TNR: variants seen among roughly 807,000 people sequenced by gnomAD.
The protein encoded by TNR is tenascin-R.
Under a neutral mutation model 150.4 loss-of-function variants are expected in TNR, and 45 were observed. The ratio of observed to expected loss-of-function variants is 0.30; its 90% CI spans 0.24 to 0.38. The LOEUF (loss-of-function observed/expected upper bound fraction) is 0.38. TNR is among the 10% of genes least tolerant of loss of function. The pLI is 1.00. For missense variants in TNR, 1,544 were observed against 1,759.1 expected (o/e 0.88, Z 2.19); for synonymous variants, 687 against 678.4 (o/e 1.01, Z -0.20).
chr1:175,354,671 C>A, intron 17 of TNR, 148 bp from the exon 18 acceptor site: 1 of 1,080,858 alleles, frequency 9.3e-7, no homozygotes, highest in Non-Finnish European at 1.3e-6. Flanking sequence ...ATAAGGATTA[C>A]TGCACCAATA....
At chr1:175,467,859 T>C (rs562306420) in intron 2 of TNR, among the ~76,000 whole-genome samples, 1 of 152,322 alleles carries the variant, frequency 6.6e-6, no homozygotes, top group African/African-American at 2.4e-5. Flanking sequence ...CTCGTTAATA[T>C]ATAAAGGACT....
intron 1 of TNR, among the ~76,000 whole-genome samples, chr1:175,731,305 C>T (rs1667634240): frequency 6.6e-6 from 1 of 152,166 alleles, no homozygotes; most frequent in African/African-American, 2.4e-5. Context: ...CACTGTTGCC[C>T]TGTGCTATCT....
intron 13 of TNR, among the ~76,000 whole-genome samples, chr1:175,363,031 C>T (rs987155836): frequency 1.3e-5 from 2 of 152,170 alleles, no homozygotes; most frequent in Non-Finnish European, 2.9e-5. Context: ...AGAAAAATGA[C>T]CTACCTATTA....
chr1:175,586,119 C>T (rs995329407), intron 1 of TNR, among the ~76,000 whole-genome samples: 1 of 152,090 alleles, frequency 6.6e-6, no homozygotes, highest in Non-Finnish European at 1.5e-5. Context: ...AGAATAATGA[C>T]TCAATCTTTG....
At chr1:175,354,258 CAG>C (rs1259916172) in intron 18 of TNR, 131 bp downstream of exon 18, 2 of 1,231,662 alleles carry the variant, frequency 1.6e-6, no homozygotes, top group East Asian at 5.1e-5. Context: ...GGGGCTTGGA[CAG>C]GGGAAAAGAA....
intron 1 of TNR, among the ~76,000 whole-genome samples, chr1:175,719,051 G>A (rs185256871): frequency 2.0e-5 from 3 of 152,254 alleles, no homozygotes; most frequent in Non-Finnish European, 2.9e-5. Context: ...GCCTATCTGT[G>A]GCCTTCATTT....
chr1:175,606,087 C>T (rs1423718704), intron 1 of TNR, among the ~76,000 whole-genome samples: 1 of 152,210 alleles, frequency 6.6e-6, no homozygotes, highest in Admixed American at 6.5e-5. Context: ...TTGATGTAGG[C>T]TGAGATTTAT....
intron 1 of TNR, among the ~76,000 whole-genome samples, chr1:175,655,237 A>C (rs1432925273): frequency 6.6e-6 from 1 of 152,216 alleles, no homozygotes; most frequent in Non-Finnish European, 1.5e-5. Context: ...GTAAATAAAA[A>C]ATACAATTCA....
rs1027311880 is a variant in TNR, at chr1:175,322,703, G to A, written c.*654C>T. On this transcript the variant is annotated 3_prime_UTR_variant, in exon 23 of 23. Transcript: ENST00000367674. Reference sequence around the variant, plus strand: ...AGGCTGAGACGAGAGGATCACTTAAGCTCAGGAAGTCGAGGCTGTAGTGAG... The same window carrying A: ...AGGCTGAGACGAGAGGATCACTTAAACTCAGGAAGTCGAGGCTGTAGTGAG... 6.6e-6 allele frequency: 1 copy of A among 152,198 alleles called. No individual in the cohort carries two copies. Among genetic ancestry groups the A allele is most frequent in the African/African-American group, 2.4e-5 (1 of 41,398 alleles). 9.4% of individuals were successfully genotyped at this position (152,198 alleles called of 1,614,324 possible).
Position 175,317,304 on chromosome 1 carries a change from T to A in TNR, c.*6053A>T, listed in dbSNP as rs560769681. The A allele has an allele frequency of 8.5e-5, 13 of 152,306 alleles. No homozygotes were observed. Among genetic ancestry groups the A allele is most frequent in the African/African-American group, 3.1e-4 (13 of 41,570 alleles). The allele number at this position is 152,306 out of a possible 1,614,324, so 9.4% of individuals were successfully genotyped here. ...AATTGCCTGTGTGAATGTGAGCAAA[T>A]TGCCTAAACTTTCTTGCCCTTGGTT... On this transcript the variant is annotated 3_prime_UTR_variant, in exon 23 of 23. Coordinates refer to ENST00000367674, the MANE Select transcript of TNR (RefSeq NM_003285.3).
intron 20 of TNR, among the ~76,000 whole-genome samples, chr1:175,331,079 T>TG (rs1649833674): frequency 1.3e-5 from 1 of 77,372 alleles, no homozygotes; most frequent in Non-Finnish European, 2.8e-5. Flanking sequence ...CTTTCTTTCC[T>TG]TCTTTCTTTC....
At chr1:175,479,095 A>G (rs536365375) in intron 2 of TNR, among the ~76,000 whole-genome samples, 49 of 152,320 alleles carry the variant, frequency 3.2e-4, no homozygotes, top group Admixed American at 2.0e-3. Flanking sequence ...AAGAGTTCAA[A>G]AAATTCCTCA....
intron 2 of TNR, among the ~76,000 whole-genome samples, chr1:175,501,203 G>A (rs894906138): frequency 2.6e-5 from 4 of 152,126 alleles, no homozygotes; most frequent in Non-Finnish European, 4.4e-5. Flanking sequence ...TTAAAAGAAG[G>A]TGAAGTATCA....
At chr1:175,547,627 AAGAAAGAAAG>A (rs1183380642) in intron 1 of TNR, among the ~76,000 whole-genome samples, 1 of 137,602 alleles carries the variant, frequency 7.3e-6, no homozygotes, top group African/African-American at 3.0e-5. Flanking sequence ...GAAACAAAGA[AAGAAAGAAAG>A]AGAAAGAAAG....
At chr1:175,338,138 G>A (rs1650337916) in intron 18 of TNR, among the ~76,000 whole-genome samples, 1 of 152,182 alleles carries the variant, frequency 6.6e-6, no homozygotes, top group African/African-American at 2.4e-5. Flanking sequence ...AGAATGAGAG[G>A]CATCTGAGCA....
At chr1:175,463,124 T>G (rs1438218798) in intron 2 of TNR, among the ~76,000 whole-genome samples, 2 of 152,116 alleles carry the variant, frequency 1.3e-5, no homozygotes, top group Non-Finnish European at 2.9e-5. Flanking sequence ...CTTAAAATAT[T>G]CTATATCTGT....
At chr1:175,613,796 T>C (rs189453136) in intron 1 of TNR, among the ~76,000 whole-genome samples, 1 of 152,314 alleles carries the variant, frequency 6.6e-6, no homozygotes, top group East Asian at 1.9e-4. Context: ...CTCCTGCATA[T>C]CCAGTCTACA....
chr1:175,689,650 T>C (rs1666301290), intron 1 of TNR, among the ~76,000 whole-genome samples: 1 of 152,188 alleles, frequency 6.6e-6, no homozygotes, highest in African/African-American at 2.4e-5. Flanking sequence ...TAACCTTGCC[T>C]CTCATTGCCT....
intron 1 of TNR, among the ~76,000 whole-genome samples, chr1:175,653,560 G>C (rs942105): frequency 0.58 from 88,689 of 151,972 alleles, 26,395 homozygotes; most frequent in East Asian, 0.74. Flanking sequence ...GAAAGTGGAA[G>C]AATACAAGAG....
Sources: gnomAD v4.1 joint callset for allele counts (sites outside exome capture counted in the v4.1 genomes callset) on GRCh38, gnomAD v4.1.1 for gene constraint, MANE v1.5 for transcripts, NCBI Gene and HGNC (gene_info 2026-07-23, HGNC 2026-07-21) for gene names.